EYA2: variants seen among roughly 807,000 people sequenced by gnomAD.
EYA2 encodes the protein EYA transcriptional coactivator and phosphatase 2.
A neutral mutation model predicts 69.2 loss-of-function variants in EYA2; 31 were observed. The observed-to-expected ratio is 0.45, with a 90% confidence interval of 0.34 to 0.60. The LOEUF is 0.60. Among genes scored for constraint, EYA2 ranks in the 20% least tolerant of loss-of-function variants. EYA2 has a pLI of 0.02. For missense variants in EYA2, 622 were observed against 701.2 expected (o/e 0.89, Z 1.28); for synonymous variants, 257 against 279.4 (o/e 0.92, Z 0.80).
chr20:46,991,363 C>G, intron 2 of EYA2, among the ~76,000 whole-genome samples: 1 of 152,178 alleles, frequency 6.6e-6, no homozygotes, highest in East Asian at 1.9e-4. Flanking sequence ...AGTTTTCTCA[C>G]CTGTCAAATG....
intron 9 of EYA2, among the ~76,000 whole-genome samples, chr20:47,130,324 G>GCACAATCT (rs2033310639): frequency 7.6e-6 from 1 of 131,934 alleles, no homozygotes; most frequent in Non-Finnish European, 1.5e-5. Context: ...GAGTGCAGTG[G>GCACAATCT]CACAATCTCG....
intron 9 of EYA2, among the ~76,000 whole-genome samples, chr20:47,124,215 T>C (rs1035869689): frequency 2.0e-5 from 3 of 152,202 alleles, no homozygotes; most frequent in African/African-American, 7.2e-5. Flanking sequence ...TTGAGTCCTC[T>C]GGTGAGGACT....
intron 9 of EYA2, among the ~76,000 whole-genome samples, chr20:47,107,322 C>T (rs1032914832): frequency 1.3e-5 from 2 of 151,662 alleles, no homozygotes; most frequent in African/African-American, 2.4e-5. Context: ...GCCAGGAGTT[C>T]GAGACCAGCC....
intron 1 of EYA2, among the ~76,000 whole-genome samples, chr20:46,987,916 GTCTC>G (rs1555809755): frequency 0.022 from 444 of 20,344 alleles, 136 homozygotes; most frequent in Non-Finnish European, 0.027. Flanking sequence ...GACAGAGTAA[GTCTC>G]TCTCTCTCTC....
intron 10 of EYA2, among the ~76,000 whole-genome samples, chr20:47,146,200 G>A (rs1209736871): frequency 6.6e-6 from 1 of 152,166 alleles, no homozygotes; most frequent in Non-Finnish European, 1.5e-5. Context: ...CCCTGTCTGG[G>A]GTACGTGGGG....
At chr20:47,182,628 T>TCAAAAAAAAAAAA (rs779945744) in intron 14 of EYA2, among the ~76,000 whole-genome samples, 2,965 of 84,168 alleles carry the variant, frequency 0.035, 906 homozygotes, top group African/African-American at 0.14. Context: ...AGACTCCGTC[T>TCAAAAAAAAAAAA]AAAAAAAAAA....
intron 10 of EYA2, among the ~76,000 whole-genome samples, chr20:47,168,754 G>A (rs1266501696): frequency 1.3e-5 from 2 of 152,194 alleles, no homozygotes; most frequent in Non-Finnish European, 2.9e-5. Flanking sequence ...AGGCAGAGGT[G>A]TCCACCATAT....
chr20:47,181,033 G>A, intron 14 of EYA2, 97 bp downstream of exon 14: 1 of 1,492,452 alleles, frequency 6.7e-7, no homozygotes, highest in Non-Finnish European at 9.1e-7. Context: ...TGACACCACA[G>A]AAATGGATGG....
At chr20:47,188,017 G>A in intron 15 of EYA2, 36 bp from the exon 16 acceptor site, 2 of 1,553,032 alleles carry the variant, frequency 1.3e-6, no homozygotes, top group Non-Finnish European at 8.7e-7. Flanking sequence ...GGCAGGGGCG[G>A]GGCCATAACC....
At chr20:47,050,711 T>C (rs1330216047) in intron 5 of EYA2, among the ~76,000 whole-genome samples, 1 of 152,222 alleles carries the variant, frequency 6.6e-6, no homozygotes, top group Non-Finnish European at 1.5e-5. Context: ...TTGCATAAGG[T>C]ATTTCCACAT....
At chr20:46,910,648 T>C (rs1984598975) in intron 1 of EYA2, among the ~76,000 whole-genome samples, 1 of 152,210 alleles carries the variant, frequency 6.6e-6, no homozygotes, top group African/African-American at 2.4e-5. Flanking sequence ...TGGATTTCTT[T>C]TTCTGCTCTG....
chr20:46,928,869 G>C (rs1465259031), intron 1 of EYA2, among the ~76,000 whole-genome samples: 3 of 152,128 alleles, frequency 2.0e-5, no homozygotes, highest in Non-Finnish European at 4.4e-5. Flanking sequence ...GCCCGGAAGC[G>C]GTGCTGTGCC....
At chr20:47,012,653 C>A (rs1197109435) in intron 4 of EYA2, among the ~76,000 whole-genome samples, 1 of 152,056 alleles carries the variant, frequency 6.6e-6, no homozygotes, top group African/African-American at 2.4e-5. Context: ...ACCACCACAC[C>A]CAGTTAATTT....
chr20:47,083,304 C>T (rs1013559019), intron 7 of EYA2, among the ~76,000 whole-genome samples: 7 of 152,176 alleles, frequency 4.6e-5, no homozygotes, highest in Non-Finnish European at 7.3e-5. Flanking sequence ...CAGCCGAGCA[C>T]AGTGGCTCAC....
chr20:47,156,107 C>T (rs1600751617), intron 10 of EYA2, among the ~76,000 whole-genome samples: 1 of 19,914 alleles, frequency 5.0e-5, no homozygotes, highest in Admixed American at 8.7e-4. Context: ...CACACACACA[C>T]ACACACACAC....
chr20:47,087,034 C>T (rs2146500426), intron 7 of EYA2, among the ~76,000 whole-genome samples: 1 of 152,136 alleles, frequency 6.6e-6, no homozygotes, highest in Non-Finnish European at 1.5e-5. Context: ...AATTCTTTTT[C>T]CAGAGGAAAG....
At chr20:47,074,381 GCTT>G in intron 7 of EYA2, 46 bp downstream of exon 7, 1 of 1,593,340 alleles carries the variant, frequency 6.3e-7, no homozygotes, top group Non-Finnish European at 8.6e-7. Context: ...TGGTCTGAGA[GCTT>G]CTATGAAGGA....
In EYA2 at chr20:46,946,395, G is replaced by A. The variant is rs114966647; in HGVS notation, c.-10-43606G>A. The stretch of plus-strand genomic sequence containing the variant: ...ACTGCGGTCAAAATCTCCCCAGGGT[G>A]CAGGGCCAAGGGTTACTTTGATTCT... On this transcript the variant is annotated intron_variant, in intron 1 of 15. Coordinates refer to ENST00000327619, the MANE Select transcript of EYA2 (RefSeq NM_005244.5). Among the ~76,000 whole-genome samples the A allele has an allele frequency of 3.0e-3, 460 of 152,322 alleles. 1 individual carries two copies. Among genetic ancestry groups the A allele is most frequent in the African/African-American group, 0.011 (449 of 41,568 alleles).
intron 9 of EYA2, among the ~76,000 whole-genome samples, chr20:47,136,783 T>G (rs1049252449): frequency 6.6e-6 from 1 of 150,878 alleles, no homozygotes; most frequent in Non-Finnish European, 1.5e-5. Flanking sequence ...TGCATAATAG[T>G]TATATTACTG....
Sources: allele counts gnomAD v4.1 joint callset (sites outside exome capture counted in the v4.1 genomes callset), GRCh38; gene constraint gnomAD v4.1.1; transcripts MANE v1.5; gene names NCBI Gene and HGNC (gene_info 2026-07-23, HGNC 2026-07-21).